PFKFB3: variants seen among roughly 807,000 people sequenced by gnomAD.
The protein encoded by PFKFB3 is 6-phosphofructo-2-kinase/fructose-2,6-biphosphatase 3, also known as 6-phosphofructo-2-kinase/fructose-2,6-bisphosphatase 3.
Under a neutral mutation model 68.0 loss-of-function variants are expected in PFKFB3, and 33 were observed. The ratio of observed to expected loss-of-function variants is 0.49; its 90% CI spans 0.37 to 0.65. The LOEUF is 0.65. PFKFB3 is among the 30% of genes least tolerant of loss of function. PFKFB3 has a pLI of 0.00. For synonymous variants in PFKFB3, 315 were observed against 288.2 expected, an observed-to-expected ratio of 1.09 and a Z score of -0.94; for missense variants, 586 against 712.2, an observed-to-expected ratio of 0.82 and a Z score of 2.02.
intron 1 of PFKFB3, among the ~76,000 whole-genome samples, chr10:6,172,930 G>T (rs1222860240): frequency 6.6e-6 from 1 of 152,002 alleles, no homozygotes; most frequent in Non-Finnish European, 1.5e-5. Flanking sequence ...TGTCCTGAAA[G>T]CAGGCCGCTC....
chr10:6,162,196 C>T (rs1015816752), intron 1 of PFKFB3, among the ~76,000 whole-genome samples: 15 of 152,308 alleles, frequency 9.8e-5, no homozygotes, highest in East Asian at 5.8e-4. Context: ...GGCTCATCCA[C>T]GTTGTAGCAT....
At chr10:6,303,620 C>G in the PFKFB3 span, among the ~76,000 whole-genome samples, 27 of 151,970 alleles carry the variant, frequency 1.8e-4, no homozygotes, top group Admixed American at 6.6e-4. Context: ...CGAGACCACC[C>G]TGGCCAACAT....
At chr10:6,216,051 G>T in intron 3 of PFKFB3, 74 bp from the exon 4 acceptor site, 4 of 1,260,264 alleles carry the variant, frequency 3.2e-6, no homozygotes, top group African/African-American at 1.5e-5. Context: ...TTGTCGGGGC[G>T]TGTCGGGAGT....
At chr10:6,219,509 T>A in intron 6 of PFKFB3, 60 bp from the exon 7 acceptor site, 5 of 1,606,274 alleles carry the variant, frequency 3.1e-6, no homozygotes, top group Non-Finnish European at 4.3e-6. Context: ...CAAATCCTGC[T>A]TAATCTCAGC....
intron 1 of PFKFB3, among the ~76,000 whole-genome samples, chr10:6,207,452 G>A (rs1407714633): frequency 2.6e-5 from 4 of 152,138 alleles, no homozygotes; most frequent in African/African-American, 7.2e-5. Flanking sequence ...AGAGGGAGCT[G>A]GAGCTTAAAA....
At chr10:6,219,527 C>T (rs769879814) in intron 6 of PFKFB3, 42 bp from the exon 7 acceptor site, 5 of 1,612,788 alleles carry the variant, frequency 3.1e-6, no homozygotes, top group African/African-American at 1.3e-5. Flanking sequence ...AGCAGAAAGC[C>T]TTCCAGCGTG....
rs749444399 is a variant in PFKFB3, at chr10:6,221,470, G to A, written c.921G>A (p.Thr307=). The A allele has an allele frequency of 1.7e-5, 27 of 1,613,648 alleles. No individual in the cohort carries two copies. Among genetic ancestry groups the A allele is most frequent in the South Asian group, 1.1e-4 (10 of 91,086 alleles). The change falls in exon 9 of 15, where the codon ACG becomes ACA. Residue 307 remains threonine, a synonymous_variant. Transcript: ENST00000379775. ...WTSQLKSTIQ[T]AEALRLPYEQ... is the part of the protein sequence containing the mutation. ...GCCAGCTGAAGAGCACCATCCAGAC[G>A]GCCGAGGCGCTGCGGCTGCCCTACG...
the PFKFB3 span, among the ~76,000 whole-genome samples, chr10:6,317,313 C>T: frequency 3.3e-5 from 5 of 152,220 alleles, no homozygotes; most frequent in African/African-American, 1.2e-4. Flanking sequence ...ATTATCCTTC[C>T]TCATTGACTT....
chr10:6,263,452 G>C, the PFKFB3 span, among the ~76,000 whole-genome samples: 1 of 152,232 alleles, frequency 6.6e-6, no homozygotes, highest in Non-Finnish European at 1.5e-5. Context: ...TTTGGGGCCA[G>C]TTTATGGCCA....
At chr10:6,201,008 T>C (rs1052303511), upstream of PFKFB3, among the ~76,000 whole-genome samples, 27 of 152,180 alleles carry the variant, frequency 1.8e-4, no homozygotes, top group African/African-American at 6.3e-4. This position sits in a 1 kb window ranked among gnomAD's most constrained non-coding sequence, Gnocchi z 4.1. Flanking sequence ...GAAGGCCCCC[T>C]GGTCCGCTTG....
At chr10:6,310,589 G>A in the PFKFB3 span, among the ~76,000 whole-genome samples, 9 of 152,150 alleles carry the variant, frequency 5.9e-5, no homozygotes, top group Non-Finnish European at 7.3e-5. Flanking sequence ...GTTGGCTGAC[G>A]AGCATTTGTT....
rs1316291182 is a variant in PFKFB3, at chr10:6,215,996, T to A, written c.300-129T>A. The A allele has an allele frequency of 5.5e-6, 5 of 902,972 alleles. No homozygotes were observed. In the East Asian group the frequency reaches 9.8e-5, roughly 18 times the overall value. 55.9% of individuals were successfully genotyped at this position (902,972 alleles called of 1,614,324 possible). On this transcript the variant is annotated intron_variant, in intron 3 of 14. Coordinates refer to ENST00000379775, the MANE Select transcript of PFKFB3 (RefSeq NM_004566.4). The surrounding 1 kb of genome is among the most constrained non-coding windows in gnomAD (Gnocchi z 4.3). ...TGGGCCTGAGGGGTGCTGGCCAGCC[T>A]GCCCAGCGCTAAGCAGTGTAGAATG...
intron 1 of PFKFB3, among the ~76,000 whole-genome samples, chr10:6,190,159 G>A (rs1233569308): frequency 2.0e-5 from 3 of 151,826 alleles, no homozygotes; most frequent in Non-Finnish European, 4.4e-5. Context: ...GGCCAGGCTG[G>A]TCTTAAACTC....
chr10:6,251,860 C>T (rs1299401360), intron 14 of PFKFB3, among the ~76,000 whole-genome samples: 2 of 152,128 alleles, frequency 1.3e-5, no homozygotes, highest in African/African-American at 4.8e-5. Context: ...CCCAGCTACT[C>T]AGGAGGCTGA....
intron 14 of PFKFB3, among the ~76,000 whole-genome samples, chr10:6,244,201 G>A (rs1046219179): frequency 6.6e-6 from 1 of 152,154 alleles, no homozygotes; most frequent in Non-Finnish European, 1.5e-5. Flanking sequence ...GGAGAGCGTG[G>A]CCTTAACTCA....
intron 1 of PFKFB3, among the ~76,000 whole-genome samples, chr10:6,195,174 T>C (rs1001279056): frequency 4.6e-5 from 7 of 152,168 alleles, no homozygotes; most frequent in Admixed American, 2.0e-4. Flanking sequence ...GCTCGCCTCC[T>C]GTTCCTTTTT....
the PFKFB3 span, among the ~76,000 whole-genome samples, chr10:6,269,934 C>T: frequency 6.6e-6 from 1 of 151,914 alleles, no homozygotes; most frequent in Non-Finnish European, 1.5e-5. Flanking sequence ...AGTTTGAGAC[C>T]AGCCTGGCCA....
At chr10:6,145,678 C>T (rs1187076296) in intron 1 of PFKFB3, among the ~76,000 whole-genome samples, 1 of 152,202 alleles carries the variant, frequency 6.6e-6, no homozygotes, top group Non-Finnish European at 1.5e-5. Context: ...CCAGTTGCCT[C>T]CTGGGCAAAA....
chr10:6,231,055 T>C lies in PFKFB3; in HGVS notation c.1516-1840T>C, dbSNP rs142169516. Among the ~76,000 whole-genome samples the C allele has an allele frequency of 1.4e-3, 220 of 152,164 alleles. No individual in the cohort carries two copies. In the Middle Eastern group the frequency reaches 0.054, roughly 38 times the overall value. ...CTGTGATCTTGGTTTCCCAGTAAGA[T>C]GGGGACGAACAACTGTCCGGACCTG... On this transcript the variant is annotated intron_variant, in intron 14 of 14. Transcript: ENST00000379775.
Sources: allele counts gnomAD v4.1 joint callset (sites outside exome capture counted in the v4.1 genomes callset), GRCh38; gene constraint gnomAD v4.1.1; non-coding constraint Gnocchi (gnomAD v3.1); transcripts MANE v1.5; gene names NCBI Gene and HGNC (gene_info 2026-07-23, HGNC 2026-07-21).